The following RORA variants were observed in gnomAD, a reference collection of about 807,000 sequenced individuals.
RORA encodes the protein RAR related orphan receptor A.
In RORA, 7 loss-of-function variants were observed where a neutral mutation model predicts 69.5. That is an observed-to-expected ratio of 0.10 (90% CI 0.06 to 0.19). RORA has a LOEUF of 0.19. RORA is among the 10% of genes least tolerant of loss of function. The probability of loss-of-function intolerance (pLI) is 1.00; values close to 1 mark genes in which losing one functional copy is unlikely to be tolerated. For synonymous variants in RORA, 261 were observed against 240.8 expected (o/e 1.08, Z -0.78); for missense variants, 457 against 663.0 (o/e 0.69, Z 3.41).
At chr15:61,224,264 C>T (rs1451396825) in intron 1 of RORA, among the ~76,000 whole-genome samples, 1 of 152,196 alleles carries the variant, frequency 6.6e-6, no homozygotes, top group Admixed American at 6.5e-5. Flanking sequence ...TGTATATTGG[C>T]TCATGGGAGA....
chr15:60,929,412 T>G (rs1892310629), intron 1 of RORA, among the ~76,000 whole-genome samples: 1 of 152,160 alleles, frequency 6.6e-6, no homozygotes, highest in East Asian at 1.9e-4. Context: ...GAAATAAATT[T>G]ATGTTAGAGG....
chr15:60,630,502 A>G lies in RORA; in HGVS notation c.196+48155T>C, dbSNP rs2069711143. 2 of 152,264 alleles carry G rather than the reference A, an allele frequency of 1.3e-5. 1 individual carries two copies. Among genetic ancestry groups the G allele is most frequent in the Admixed American group, 1.3e-4 (2 of 15,286 alleles). The allele number at this position is 152,264 out of a possible 1,614,324, so 9.4% of individuals were successfully genotyped here. A position where few individuals can be genotyped will look rare whatever the true frequency, so the allele number is the denominator to read the frequency against. On this transcript the variant is annotated intron_variant, in intron 2 of 10. Coordinates refer to ENST00000335670, the MANE Select transcript of RORA (RefSeq NM_134261.3). ...TGTGTGTACAGCGTCCAAGGGAACCATTAGCAGTGGAGCTCCCCAGGCTCC... is the reference window on the plus strand; with the variant it reads ...TGTGTGTACAGCGTCCAAGGGAACCGTTAGCAGTGGAGCTCCCCAGGCTCC...
chr15:60,637,361 A>G (rs1044093243), intron 2 of RORA, among the ~76,000 whole-genome samples: 7 of 151,848 alleles, frequency 4.6e-5, no homozygotes, highest in African/African-American at 9.7e-5. Context: ...GAAAAAATAC[A>G]TCTTCTTATC....
chr15:60,875,852 G>A (rs1442774406), intron 1 of RORA, among the ~76,000 whole-genome samples: 4 of 152,124 alleles, frequency 2.6e-5, no homozygotes, highest in Non-Finnish European at 2.9e-5. Flanking sequence ...GAACCAGAAC[G>A]CCTGCAGGAG....
At chr15:60,953,727 C>G (rs1417057391) in intron 1 of RORA, among the ~76,000 whole-genome samples, 1 of 151,948 alleles carries the variant, frequency 6.6e-6, no homozygotes, top group East Asian at 2.0e-4. Flanking sequence ...AAAAGCAAAT[C>G]AAAACCACTA....
At chr15:61,107,038 C>G (rs79170931) in intron 1 of RORA, among the ~76,000 whole-genome samples, 1,989 of 152,300 alleles carry the variant, frequency 0.013, 48 homozygotes, top group African/African-American at 0.046. Flanking sequence ...ACTGAGCAGC[C>G]AGCATCTGCC....
intron 1 of RORA, among the ~76,000 whole-genome samples, chr15:60,915,417 A>G (rs946669566): frequency 2.0e-5 from 3 of 152,170 alleles, no homozygotes; most frequent in African/African-American, 7.2e-5. Context: ...AGTGCAGAGG[A>G]GGGGCTCATT....
chr15:60,852,104 C>T (rs781706582), intron 1 of RORA, among the ~76,000 whole-genome samples: 2 of 152,164 alleles, frequency 1.3e-5, no homozygotes, highest in Non-Finnish European at 2.9e-5. Context: ...GATGGCACAC[C>T]AGCGCTTGAA....
intron 2 of RORA, among the ~76,000 whole-genome samples, chr15:60,613,068 T>C (rs1174343074): frequency 6.6e-6 from 1 of 152,096 alleles, no homozygotes; most frequent in Non-Finnish European, 1.5e-5. Flanking sequence ...GGTGATTATA[T>C]CTTTCCAAAG....
At position 60,490,681 on chromosome 15, in the gene RORA, T is replaced by A. The variant is rs1186976669; in HGVS notation, c.*6774A>T. ...GCAGATGTCTAAAATTTGTATTTTT[T>A]AAGTCTATGCACAAAAGTCATTTGT... On this transcript the variant is annotated 3_prime_UTR_variant, in exon 11 of 11. Transcript: ENST00000335670. The surrounding 1 kb of genome is among the most constrained non-coding windows in gnomAD (Gnocchi z 4.1). 1 of 152,326 alleles carries A rather than the reference T, an allele frequency of 6.6e-6. No individual in the cohort carries two copies. The highest frequency in any genetic ancestry group is 2.4e-5 in the African/African-American group (1 of 41,586). 9.4% of individuals were successfully genotyped at this position (152,326 alleles called of 1,614,324 possible).
At chr15:61,055,546 A>AT (rs1400926301) in intron 1 of RORA, among the ~76,000 whole-genome samples, 2 of 152,104 alleles carry the variant, frequency 1.3e-5, no homozygotes. Flanking sequence ...GGTGTTTTCG[A>AT]TGTTCAGGTC....
chr15:60,568,000 G>T (rs1274138368), intron 2 of RORA, among the ~76,000 whole-genome samples: 2 of 152,164 alleles, frequency 1.3e-5, no homozygotes, highest in Non-Finnish European at 2.9e-5. Context: ...CTGACATTTT[G>T]TGTGAGATAA....
At chr15:61,164,534 A>T (rs1399583810) in intron 1 of RORA, among the ~76,000 whole-genome samples, 1 of 152,200 alleles carries the variant, frequency 6.6e-6, no homozygotes, top group South Asian at 2.1e-4. Flanking sequence ...TTAGGACAGC[A>T]GTTGTATGCT....
At chr15:61,137,055 G>T (rs1022941183) in intron 1 of RORA, among the ~76,000 whole-genome samples, 9 of 145,126 alleles carry the variant, frequency 6.2e-5, no homozygotes, top group African/African-American at 2.4e-4. Flanking sequence ...AAGAAAGAAA[G>T]AAAGAAAGAA....
intron 2 of RORA, among the ~76,000 whole-genome samples, chr15:60,574,398 A>C (rs1407268647): frequency 6.8e-6 from 1 of 147,330 alleles, no homozygotes; most frequent in Non-Finnish European, 1.5e-5. Context: ...GAAGCCTCTT[A>C]TGTTATATGA....
At chr15:60,820,565 A>G (rs1179803217) in intron 1 of RORA, among the ~76,000 whole-genome samples, 1 of 152,118 alleles carries the variant, frequency 6.6e-6, no homozygotes, top group Non-Finnish European at 1.5e-5. Flanking sequence ...CTTTTCTGTA[A>G]AATTTTTAAA....
intron 2 of RORA, among the ~76,000 whole-genome samples, chr15:60,545,726 C>T (rs2067049175): frequency 1.3e-5 from 2 of 152,156 alleles, no homozygotes. Flanking sequence ...TCCTTTCCTT[C>T]CTCATTCTTG....
Position 60,568,958 on chromosome 15 carries a change from A to C in RORA, c.197-37107T>G, listed in dbSNP as rs1020223735. On this transcript the variant is annotated intron_variant, in intron 2 of 10. Transcript: ENST00000335670. The stretch of plus-strand genomic sequence containing the variant: ...TGGTTTTGCGCTAAAAAAAAAAAAA[A>C]AAAAACTCAATATTATGGCATTTCC... Among the ~76,000 whole-genome samples the C allele has an allele frequency of 1.1e-3, 168 of 152,106 alleles. 1 individual carries two copies. The highest frequency in any genetic ancestry group is 2.0e-3 in the Non-Finnish European group (134 of 67,990).
At chr15:60,637,630 G>A (rs1349649695) in intron 2 of RORA, among the ~76,000 whole-genome samples, 2 of 151,858 alleles carry the variant, frequency 1.3e-5, no homozygotes, top group Non-Finnish European at 2.9e-5. Context: ...TCTCTGATAA[G>A]CTAAAAATCA....
Sources: allele counts gnomAD v4.1 joint callset (sites outside exome capture counted in the v4.1 genomes callset), GRCh38; gene constraint gnomAD v4.1.1; non-coding constraint Gnocchi (gnomAD v3.1); transcripts MANE v1.5; gene names NCBI Gene and HGNC (gene_info 2026-07-23, HGNC 2026-07-21).